SYNE2: variants seen among roughly 807,000 people sequenced by gnomAD.
SYNE2 encodes nesprin-2.
SYNE2 carries 431 observed loss-of-function variants against 856.3 expected under a neutral mutation model. That is an observed-to-expected ratio of 0.50 (90% CI 0.47 to 0.55). The LOEUF (loss-of-function observed/expected upper bound fraction) is 0.55. SYNE2 is among the 20% of genes least tolerant of loss of function. The pLI, the probability that SYNE2 is intolerant of heterozygous loss-of-function variation, is 0.00. For missense variants in SYNE2, 8,129 were observed against 8,023.2 expected (o/e 1.01, Z -0.50); for synonymous variants, 2,923 against 2,872.3 (o/e 1.02, Z -0.56).
intron 99 of SYNE2, among the ~76,000 whole-genome samples, chr14:64,191,528 C>T (rs1215827637): frequency 1.3e-5 from 2 of 152,094 alleles, no homozygotes; most frequent in Non-Finnish European, 2.9e-5. Flanking sequence ...AGAGCAGCAT[C>T]GAAGCCGTTC....
At chr14:64,222,014 T>C (rs2098696593) in intron 112 of SYNE2, among the ~76,000 whole-genome samples, 1 of 152,206 alleles carries the variant, frequency 6.6e-6, no homozygotes, top group South Asian at 2.1e-4. Flanking sequence ...TCCTGCTCAT[T>C]GGGGAGAAAT....
Position 64,174,991 on chromosome 14 carries a change from C to G in SYNE2, c.17283C>G (p.Thr5761=). The part of the protein sequence containing the change: ...FQRRRTTCAL[T]LEAGEKLLLT... ...GGAGGCGAACTACCTGTGCCCTAAC[C>G]TTGGAAGCTGGAGAAAAGTTACTGC... is the stretch of plus-strand genomic sequence containing the variant. Residue 5761 remains threonine, a synonymous_variant, in exon 95 of 116, where the codon ACC becomes ACG. Transcript: ENST00000555002. 2 of 1,614,120 alleles carry G rather than the reference C, an allele frequency of 1.2e-6. No individual in the cohort carries two copies. The highest frequency in any genetic ancestry group is 1.7e-6 in the Non-Finnish European group (2 of 1,180,014).
intron 65 of SYNE2, 97 bp downstream of exon 65, chr14:64,107,704 G>A (rs1177649801): frequency 1.0e-6 from 1 of 972,404 alleles, no homozygotes; most frequent in Non-Finnish European, 1.7e-6. Context: ...TGTACGTCAA[G>A]CTAAGTGTTC....
intron 45 of SYNE2, among the ~76,000 whole-genome samples, chr14:64,043,361 A>G (rs1159014530): frequency 6.6e-6 from 1 of 152,246 alleles, no homozygotes; most frequent in East Asian, 1.9e-4. Context: ...TTTTCTGAGG[A>G]GAAATTCAAG....
At chr14:64,161,958 G>C (rs753485872) in intron 87 of SYNE2, 114 bp from the exon 88 acceptor site, 10 of 1,124,418 alleles carry the variant, frequency 8.9e-6, no homozygotes, top group Non-Finnish European at 1.2e-5. Context: ...CCATTTAACA[G>C]TGTCTTCTTA....
At chr14:63,832,315 C>T (rs940529155) in intron 1 of SYNE2, among the ~76,000 whole-genome samples, 3 of 151,564 alleles carry the variant, frequency 2.0e-5, no homozygotes, top group African/African-American at 7.3e-5. Context: ...CAGCCATGGG[C>T]AACATAGTGG....
Position 64,170,419 on chromosome 14 carries a change from G to A in SYNE2, c.17192G>A (p.Arg5731His), listed in dbSNP as rs921696709. ...CTATCTGCAGTGAAGGGCCAGGAGC[G>A]CTTCAGCCTCTACCAAACCAGAAGT... ...HLLSAVKGQE[R>H]FSLYQTRSLI... Residue 5731 changes from arginine to histidine, a missense_variant, in exon 94 of 116, where the codon CGC becomes CAC. Transcript: ENST00000555002. 9 of 1,613,816 alleles carry A rather than the reference G, an allele frequency of 5.6e-6. No homozygotes were observed. Among genetic ancestry groups the A allele is most frequent in the Middle Eastern group, 1.6e-4 (1 of 6,084 alleles).
chr14:64,219,112 T>TG lies in SYNE2; in HGVS notation c.19658-96_19658-95insG, dbSNP rs1555556180. 4.5e-5 allele frequency: 42 copies of TG among 934,852 alleles called. 1 individual carries two copies. Among genetic ancestry groups the TG allele is most frequent in the South Asian group, 4.0e-4 (25 of 62,830 alleles). 57.9% of individuals were successfully genotyped at this position (934,852 alleles called of 1,614,324 possible). ...TCCCCTACAGTTTTTTTGTTTTTTT[T>TG]TTTTTTTTTTTTAACCACCCTGACC... is the stretch of plus-strand genomic sequence containing the variant. On this transcript the variant is annotated intron_variant, in intron 109 of 115. Transcript: ENST00000555002.
intron 96 of SYNE2, among the ~76,000 whole-genome samples, chr14:64,184,152 G>A (rs181353366): frequency 6.6e-6 from 1 of 152,146 alleles, no homozygotes; most frequent in East Asian, 1.9e-4. Context: ...TAAAGCTCTC[G>A]AGACATACAG....
chr14:64,011,989 G>A (rs2096849885), intron 32 of SYNE2, among the ~76,000 whole-genome samples: 1 of 152,248 alleles, frequency 6.6e-6, no homozygotes, highest in South Asian at 2.1e-4. Context: ...CCCAAGTCCA[G>A]AGCCTCCCCA....
chr14:63,808,916 G>A (rs963566611), intron 1 of SYNE2, among the ~76,000 whole-genome samples: 13 of 151,886 alleles, frequency 8.6e-5, no homozygotes, highest in Non-Finnish European at 1.5e-4. Context: ...CCAGCTTCTC[G>A]GGAGGCTGAG....
intron 11 of SYNE2, among the ~76,000 whole-genome samples, chr14:63,972,369 T>A (rs145688954): frequency 6.6e-6 from 1 of 152,284 alleles, no homozygotes; most frequent in African/African-American, 2.4e-5. Context: ...TTTTACAAGA[T>A]TAAGTACTGT....
In SYNE2 at chr14:64,131,572, G is replaced by A. The variant is rs201221000; in HGVS notation, c.14341-693G>A. Among the ~76,000 whole-genome samples the A allele has an allele frequency of 1.8e-4, 28 of 151,538 alleles. 1 individual carries two copies. The East Asian group carries it at 2.7e-3, about 15-fold the overall frequency. ...AGTGACATCTGTTTTTTGTTTGTTT[G>A]TTTTTGTTTTTGTTTTTGTTTTTTT... On this transcript the variant is annotated intron_variant, in intron 76 of 115. Transcript: ENST00000555002.
At chr14:63,908,026 T>C (rs2095429186) in intron 1 of SYNE2, among the ~76,000 whole-genome samples, 1 of 152,168 alleles carries the variant, frequency 6.6e-6, no homozygotes, top group Non-Finnish European at 1.5e-5. Flanking sequence ...GATTGAAAGA[T>C]TTTTGAACTA....
In SYNE2 at chr14:64,140,036, A is replaced by G; in HGVS notation, c.14939A>G (p.Asp4980Gly). 10 of 1,614,008 alleles carry G rather than the reference A, an allele frequency of 6.2e-6. No homozygotes were observed. Among genetic ancestry groups the G allele is most frequent in the Non-Finnish European group, 8.5e-6 (10 of 1,179,976 alleles). Reference sequence around the variant, plus strand: ...GAACAGTCCCTCAATGTGTCTCAGGACTTGGATACAATCAGAAGCAACATC... The same window carrying G: ...GAACAGTCCCTCAATGTGTCTCAGGGCTTGGATACAATCAGAAGCAACATC... ...WKEQSLNVSQ[D>G]LDTIRSNINN... is the part of the protein sequence containing the mutation. Residue 4980 changes from aspartate to glycine, a missense_variant, in exon 80 of 116, where the codon GAC becomes GGC. This residue lies in a region of SYNE2 where 5,410 missense variants were observed against 5,284.8 expected (regional missense o/e 1.02). Coordinates refer to ENST00000555002, the MANE Select transcript of SYNE2 (RefSeq NM_182914.3).
chr14:63,919,791 G>T (rs539284659), intron 2 of SYNE2, among the ~76,000 whole-genome samples: 1 of 152,070 alleles, frequency 6.6e-6, no homozygotes, highest in African/African-American at 2.4e-5. Context: ...ACTGGATTGC[G>T]CTCCTAAGAT....
At chr14:64,024,210 A>G in intron 38 of SYNE2, 47 bp from the exon 39 acceptor site, 1 of 1,584,728 alleles carries the variant, frequency 6.3e-7, no homozygotes, top group Non-Finnish European at 8.7e-7. Flanking sequence ...CAGAGACCAC[A>G]TTCAGACTTG....
intron 74 of SYNE2, among the ~76,000 whole-genome samples, chr14:64,129,188 TC>T (rs1190737424): frequency 2.6e-5 from 4 of 152,076 alleles, no homozygotes; most frequent in Admixed American, 1.3e-4. Flanking sequence ...ACGGCTGTAG[TC>T]CCACCTACTC....
Position 63,873,076 on chromosome 14 carries a change from G to A in SYNE2, c.-52+19933G>A, listed in dbSNP as rs573172941. 1.4e-3 allele frequency among the ~76,000 whole-genome samples: 218 copies of A among 152,144 alleles called. 1 individual carries two copies. In the Middle Eastern group the frequency reaches 0.02, roughly 14 times the overall value. ...TTTGATTTGTAGGTGTATTGTTTTT[G>A]TAGTTTTCTGGAAACAGTTACTCAT... On this transcript the variant is annotated intron_variant, in intron 1 of 115. Coordinates refer to ENST00000555002, the MANE Select transcript of SYNE2 (RefSeq NM_182914.3).
Sources: gnomAD v4.1 joint callset for allele counts (sites outside exome capture counted in the v4.1 genomes callset) on GRCh38, gnomAD v4.1.1 for gene constraint, gnomAD v4.1.1 regional missense constraint, MANE v1.5 for transcripts, NCBI Gene and HGNC (gene_info 2026-07-23, HGNC 2026-07-21) for gene names.